Variants in RIPOR3 observed in about 807,000 individuals in gnomAD.
The protein encoded by RIPOR3 is RIPOR family member 3.
RIPOR3 carries 95 observed loss-of-function variants against 114.3 expected under a neutral mutation model. The observed-to-expected ratio is 0.83, with a 90% CI of 0.70 to 0.99. RIPOR3 has a LOEUF of 0.99. Among genes scored for constraint, RIPOR3 ranks in the 50% least tolerant of loss-of-function variants. The pLI is 0.00. For synonymous variants in RIPOR3, 575 were observed against 543.8 expected (o/e 1.06, Z -0.80); for missense variants, 1,252 against 1,266.9 (o/e 0.99, Z 0.18).
chr20:50,618,990 C>T (rs779794220), intron 3 of RIPOR3, among the ~76,000 whole-genome samples: 1 of 152,104 alleles, frequency 6.6e-6, no homozygotes, highest in Non-Finnish European at 1.5e-5. Flanking sequence ...ATGGACAGAT[C>T]ACCTGAGGTC....
chr20:50,619,923 A>T (rs769348010), intron 3 of RIPOR3, 63 bp downstream of exon 3: 219 of 1,560,672 alleles, frequency 1.4e-4, no homozygotes, highest in Non-Finnish European at 1.7e-4. Context: ...CCCCAGGAAG[A>T]GACAGAGAGG....
chr20:50,620,498 G>A (rs1048279008), intron 2 of RIPOR3, among the ~76,000 whole-genome samples: 5 of 152,096 alleles, frequency 3.3e-5, no homozygotes, highest in African/African-American at 1.2e-4. Flanking sequence ...GTGGTGGTAC[G>A]TGCCTGTAAT....
chr20:50,611,036 A>C, intron 5 of RIPOR3, 130 bp from the exon 6 acceptor site: 1 of 912,620 alleles, frequency 1.1e-6, no homozygotes, highest in East Asian at 3.0e-5. Context: ...AGGAAGGCTC[A>C]TCGCAGAGAC....
chr20:50,679,629 C>T (rs1324835481), intron 1 of RIPOR3, among the ~76,000 whole-genome samples: 15 of 144,618 alleles, frequency 1.0e-4, no homozygotes, highest in East Asian at 4.0e-4. Flanking sequence ...ATTAGCCGGG[C>T]GTGGTGGCGC....
chr20:50,615,307 G>A (rs2084130942), intron 4 of RIPOR3, among the ~76,000 whole-genome samples: 1 of 151,682 alleles, frequency 6.6e-6, no homozygotes, highest in Non-Finnish European at 1.5e-5. Flanking sequence ...GAGGATTGCT[G>A]GAGCCCAGGA....
At chr20:50,587,974 C>CACTTAG in intron 20 of RIPOR3, 82 bp from the exon 21 acceptor site, 5 of 1,318,252 alleles carry the variant, frequency 3.8e-6, no homozygotes, top group Non-Finnish European at 4.3e-6. Context: ...CCTGCAGGGC[C>CACTTAG]AGTCCTAGCA....
At chr20:50,628,341 C>T (rs2084695645) in intron 2 of RIPOR3, among the ~76,000 whole-genome samples, 1 of 152,128 alleles carries the variant, frequency 6.6e-6, no homozygotes, top group Admixed American at 6.5e-5. Context: ...GAATGTGTCT[C>T]AAGGCCTCAC....
intron 14 of RIPOR3, 113 bp downstream of exon 14, chr20:50,597,467 T>C (rs2083333170): frequency 1.4e-6 from 2 of 1,432,224 alleles, no homozygotes; most frequent in Non-Finnish European, 1.9e-6. Flanking sequence ...TGACAAGAGC[T>C]GAGCCAAGGA....
intron 13 of RIPOR3, among the ~76,000 whole-genome samples, chr20:50,599,162 C>T (rs758448568): frequency 2.0e-5 from 3 of 152,088 alleles, no homozygotes; most frequent in Admixed American, 6.5e-5. Context: ...GAGGCCGAGG[C>T]AGGTGGATCA....
intron 13 of RIPOR3, among the ~76,000 whole-genome samples, chr20:50,599,780 G>A (rs1055884193): frequency 2.0e-5 from 3 of 152,214 alleles, no homozygotes; most frequent in South Asian, 4.2e-4. Flanking sequence ...GAATCGCCTC[G>A]AGTATTGATT....
At chr20:50,669,328 TTA>T (rs1325055179) in intron 1 of RIPOR3, among the ~76,000 whole-genome samples, 1 of 152,228 alleles carries the variant, frequency 6.6e-6, no homozygotes, top group Non-Finnish European at 1.5e-5. Context: ...TTCAGCACTT[TTA>T]CCACGATTGT....
intron 3 of RIPOR3, among the ~76,000 whole-genome samples, chr20:50,616,935 A>G (rs1003713551): frequency 6.6e-5 from 10 of 152,236 alleles, no homozygotes; most frequent in African/African-American, 1.7e-4. Context: ...AAGGTCAGGT[A>G]ATCGAGACCA....
Position 50,593,036 on chromosome 20 carries a change from T to C in RIPOR3, c.2373A>G (p.Glu791=), listed in dbSNP as rs772901958. The change falls in exon 18 of 22, where the codon GAA becomes GAG. Residue 791 remains glutamate, a splice_region_variant and synonymous_variant. Coordinates refer to ENST00000327979, the MANE Select transcript of RIPOR3 (RefSeq NM_001290268.2). ...GACAGCCACCCACCCCAGTCTTACCTTCCTTGGTGAGCTGGGTGAAGTGCT... is the reference window on the plus strand; with the variant it reads ...GACAGCCACCCACCCCAGTCTTACCCTCCTTGGTGAGCTGGGTGAAGTGCT... ...LEKHFTQLTK[E]VTLIEELHCA... The C allele has an allele frequency of 2.9e-5, 46 of 1,613,872 alleles. No individual in the cohort carries two copies. Among genetic ancestry groups the C allele is most frequent in the Non-Finnish European group, 3.7e-5 (44 of 1,180,004 alleles).
chr20:50,594,045 C>T (rs1241548964), intron 17 of RIPOR3, among the ~76,000 whole-genome samples: 3 of 151,798 alleles, frequency 2.0e-5, no homozygotes, highest in Admixed American at 6.6e-5. Flanking sequence ...CCGAGGCGGG[C>T]GAATCACAAG....
intron 19 of RIPOR3, chr20:50,590,064 G>A (rs949250883): frequency 6.2e-6 from 2 of 321,030 alleles, no homozygotes; most frequent in African/African-American, 4.2e-5. Context: ...ATAAAATGCT[G>A]AATCAGAGAA....
intron 3 of RIPOR3, 141 bp downstream of exon 3, chr20:50,619,845 C>T (rs1408272993): frequency 8.6e-7 from 1 of 1,160,380 alleles, no homozygotes; most frequent in Non-Finnish European, 1.2e-6. Flanking sequence ...CCCTGACATA[C>T]TTGCTTACTA....
At chr20:50,650,067 C>T (rs759379292) in intron 1 of RIPOR3, among the ~76,000 whole-genome samples, 6 of 152,130 alleles carry the variant, frequency 3.9e-5, no homozygotes, top group Admixed American at 1.3e-4. Context: ...GTTCTGGAAG[C>T]GAGGAGTTGG....
chr20:50,612,248 C>A (rs931791721), intron 4 of RIPOR3, among the ~76,000 whole-genome samples: 1 of 151,516 alleles, frequency 6.6e-6, no homozygotes, highest in Non-Finnish European at 1.5e-5. Context: ...AAGTGCTGTA[C>A]CTGCCTGTGG....
rs777258446 is a variant in RIPOR3 at position 50,610,840 on chromosome 20, C to T, written c.426+13G>A. On this transcript the variant is annotated intron_variant, in intron 6 of 21. Coordinates refer to ENST00000327979, the MANE Select transcript of RIPOR3 (RefSeq NM_001290268.2). ...GCCCCACCCCACCCTGCAACATCCA[C>T]GAGCCAGCTGACCTTGCTGATGTGA... is the stretch of plus-strand genomic sequence containing the variant. The T allele has an allele frequency of 3.7e-5, 60 of 1,614,214 alleles. No homozygotes were observed. The highest frequency in any genetic ancestry group is 1.1e-4 in the East Asian group (5 of 44,890).
Sources: allele counts gnomAD v4.1 joint callset (sites outside exome capture counted in the v4.1 genomes callset), GRCh38; gene constraint gnomAD v4.1.1; transcripts MANE v1.5; gene names NCBI Gene and HGNC (gene_info 2026-07-23, HGNC 2026-07-21).